Variants in ACOXL observed in about 807,000 individuals in gnomAD.
ACOXL encodes the protein acyl-CoA oxidase like.
Under a neutral mutation model 71.9 loss-of-function variants are expected in ACOXL, and 70 were observed. The observed-to-expected ratio is 0.97, with a 90% confidence interval of 0.80 to 1.19. ACOXL has a LOEUF of 1.19. Ranked by LOEUF, ACOXL falls within the 50% of genes most tolerant of loss-of-function variation. The pLI, the probability that ACOXL is intolerant of heterozygous loss-of-function variation, is 0.00. For missense variants in ACOXL, 703 were observed against 736.3 expected, an observed-to-expected ratio of 0.95 and a Z score of 0.52; for synonymous variants, 253 against 281.6, an observed-to-expected ratio of 0.90 and a Z score of 1.02.
chr2:110,817,893 G>A (rs112797425), intron 9 of ACOXL, among the ~76,000 whole-genome samples: 70 of 151,124 alleles, frequency 4.6e-4, no homozygotes, highest in African/African-American at 1.5e-3. Flanking sequence ...TCACTGTGGC[G>A]CGTTCCCTTT....
intron 12 of ACOXL, among the ~76,000 whole-genome samples, chr2:110,977,178 A>G (rs1006107068): frequency 6.6e-6 from 1 of 152,086 alleles, no homozygotes; most frequent in African/African-American, 2.4e-5. Flanking sequence ...CGAGGTCAGG[A>G]GATTGAGACC....
chr2:110,820,531 T>C (rs890169327), intron 9 of ACOXL, among the ~76,000 whole-genome samples: 1 of 146,916 alleles, frequency 6.8e-6, no homozygotes, highest in Admixed American at 7.0e-5. Flanking sequence ...AATGCAGAGA[T>C]AGGGTCAAGG....
intron 1 of ACOXL, among the ~76,000 whole-genome samples, chr2:110,767,910 C>T (rs957270287): frequency 1.4e-5 from 2 of 145,220 alleles, no homozygotes; most frequent in Non-Finnish European, 3.0e-5. Context: ...ATGGCGAAAC[C>T]CTGTCTCTAC....
chr2:110,880,467 T>A (rs1467187638), intron 10 of ACOXL, among the ~76,000 whole-genome samples: 1 of 152,228 alleles, frequency 6.6e-6, no homozygotes, highest in Non-Finnish European at 1.5e-5. Flanking sequence ...TATGTAACAA[T>A]CCTTCTACTG....
chr2:110,809,935 C>T (rs759541003), intron 9 of ACOXL, among the ~76,000 whole-genome samples: 11 of 152,198 alleles, frequency 7.2e-5, no homozygotes, highest in Admixed American at 3.3e-4. Context: ...GGGATTGCCC[C>T]TTCACCCAAG....
In ACOXL at chr2:110,886,112, C is replaced by T. The variant is rs150510754; in HGVS notation, c.789-22677C>T. Among the ~76,000 whole-genome samples the T allele has an allele frequency of 1.8e-3, 269 of 152,270 alleles. 3 individuals are homozygous for T. The highest frequency in any genetic ancestry group is 5.8e-3 in the African/African-American group (240 of 41,562). On this transcript the variant is annotated intron_variant, in intron 10 of 17. Coordinates refer to ENST00000439055, the MANE Select transcript of ACOXL (RefSeq NM_001142807.4). ...GCCCAAACCCATATATATACATGCA[C>T]GTGCTTGTGGATATGTGCGTGTGCA... is the stretch of plus-strand genomic sequence containing the variant.
chr2:110,841,281 C>T (rs1033896927), intron 9 of ACOXL, 90 bp from the exon 10 acceptor site: 30 of 907,218 alleles, frequency 3.3e-5, no homozygotes, highest in Non-Finnish European at 4.7e-5. Flanking sequence ...ATCTTTAAAA[C>T]GTAATTGGCC....
At chr2:110,786,482 C>T (rs1355901815) in intron 3 of ACOXL, among the ~76,000 whole-genome samples, 1 of 152,176 alleles carries the variant, frequency 6.6e-6, no homozygotes, top group African/African-American at 2.4e-5. Flanking sequence ...TGAGATGCAA[C>T]AGATAAATAA....
At chr2:110,888,918 G>T (rs925534702) in intron 10 of ACOXL, among the ~76,000 whole-genome samples, 31 of 152,220 alleles carry the variant, frequency 2.0e-4, no homozygotes, top group African/African-American at 7.2e-4. Context: ...ACAAGCAAAA[G>T]AAAATTCATA....
rs1219040623 is a variant in ACOXL, at chr2:111,106,751, TCTA to T, written c.1543-10862_1543-10860del. ...CTTATAGGGATAGTAGTCTAGGTTC[TCTA>T]CTTAGTCTCTGTTGACATCCAAAGG... On this transcript the variant is annotated intron_variant, in intron 17 of 17. Transcript: ENST00000439055. 3.3e-5 allele frequency among the ~76,000 whole-genome samples: 5 copies of T among 152,332 alleles called. No individual in the cohort carries two copies. The East Asian group carries it at 9.6e-4, about 29-fold the overall frequency.
chr2:110,819,193 T>G (rs2105496255), intron 9 of ACOXL, among the ~76,000 whole-genome samples: 1 of 152,192 alleles, frequency 6.6e-6, no homozygotes, highest in South Asian at 2.1e-4. Flanking sequence ...ATTGGTGCAG[T>G]TGAAAGCAGC....
intron 14 of ACOXL, among the ~76,000 whole-genome samples, chr2:111,003,688 TA>T (rs2063750625): frequency 6.6e-6 from 1 of 151,170 alleles, no homozygotes; most frequent in African/African-American, 2.4e-5. Context: ...TGTATTAAGA[TA>T]AAATGTATTT....
Position 110,945,925 on chromosome 2 carries a change from A to C in ACOXL, c.1059+12283A>C, listed in dbSNP as rs1277201928. On this transcript the variant is annotated intron_variant, in intron 12 of 17. Coordinates refer to ENST00000439055, the MANE Select transcript of ACOXL (RefSeq NM_001142807.4). ...TCATAGGAATAGCGTTGAATCTGTA[A>C]ATTGCTTTGGGTAATATGGCCATTT... 4.6e-5 allele frequency among the ~76,000 whole-genome samples: 7 copies of C among 152,206 alleles called. No homozygotes were observed. In the East Asian group the frequency reaches 7.7e-4, roughly 17 times the overall value.
chr2:110,842,963 C>G (rs1378496146), intron 10 of ACOXL, among the ~76,000 whole-genome samples: 1 of 152,168 alleles, frequency 6.6e-6, no homozygotes, highest in Non-Finnish European at 1.5e-5. Flanking sequence ...CCCTTGTAAC[C>G]CCAGCCAGGC....
At chr2:110,822,030 C>A (rs1688672850) in intron 9 of ACOXL, among the ~76,000 whole-genome samples, 1 of 151,834 alleles carries the variant, frequency 6.6e-6, no homozygotes. Flanking sequence ...ATGCCCCAGG[C>A]TCATCTTGTA....
intron 14 of ACOXL, among the ~76,000 whole-genome samples, chr2:111,009,088 A>G (rs1237460639): frequency 6.6e-6 from 1 of 152,200 alleles, no homozygotes; most frequent in South Asian, 2.1e-4. Flanking sequence ...AAATTTTTTT[A>G]TATAGTCAAA....
intron 11 of ACOXL, among the ~76,000 whole-genome samples, chr2:110,909,449 CT>C (rs1030277301): frequency 1.4e-4 from 22 of 151,982 alleles, no homozygotes; most frequent in Admixed American, 3.9e-4. Flanking sequence ...TTGTCCAGCA[CT>C]TGTGTGTCGT....
chr2:110,980,752 C>G (rs547859501), intron 12 of ACOXL, among the ~76,000 whole-genome samples: 38 of 152,310 alleles, frequency 2.5e-4, no homozygotes, highest in African/African-American at 9.1e-4. Context: ...CTGCCCCTTC[C>G]TGCCGTACAC....
At chr2:110,942,549 T>C (rs13399465) in intron 12 of ACOXL, among the ~76,000 whole-genome samples, 27 of 152,192 alleles carry the variant, frequency 1.8e-4, no homozygotes, top group African/African-American at 6.5e-4. Context: ...CAAATCATAA[T>C]CCTATGAGGT....
Sources: allele counts gnomAD v4.1 joint callset (sites outside exome capture counted in the v4.1 genomes callset), GRCh38; gene constraint gnomAD v4.1.1; transcripts MANE v1.5; gene names NCBI Gene and HGNC (gene_info 2026-07-23, HGNC 2026-07-21).